Variants in AFG2A observed in about 807,000 individuals in gnomAD.
AFG2A encodes AAA ATPase AFG2A.
chr4:122,983,414 A>C, the AFG2A span, among the ~76,000 whole-genome samples: 1 of 151,702 alleles, frequency 6.6e-6, no homozygotes, highest in African/African-American at 2.4e-5. Context: ...CATTTGAGAT[A>C]TTTCTTTTTT....
At chr4:123,148,769 ATTT>A in the AFG2A span, among the ~76,000 whole-genome samples, 1 of 136,848 alleles carries the variant, frequency 7.3e-6, no homozygotes, top group Admixed American at 7.4e-5. Context: ...CACACACTCT[ATTT>A]TTTTTTTTTT....
the AFG2A span, among the ~76,000 whole-genome samples, chr4:123,023,960 C>G: frequency 6.6e-6 from 1 of 151,820 alleles, no homozygotes; most frequent in Non-Finnish European, 1.5e-5. Context: ...CCACCGAGAG[C>G]GCATGCCTGA....
chr4:123,171,918 C>T, the AFG2A span, among the ~76,000 whole-genome samples: 1 of 151,858 alleles, frequency 6.6e-6, no homozygotes, highest in Non-Finnish European at 1.5e-5. Flanking sequence ...ATTTGGAAGT[C>T]TCCATTCTTA....
chr4:123,081,571 T>G, the AFG2A span, among the ~76,000 whole-genome samples: 1 of 152,122 alleles, frequency 6.6e-6, no homozygotes, highest in Non-Finnish European at 1.5e-5. Context: ...TTATGAAGAC[T>G]GTGAATAAAG....
chr4:123,217,451 T>TA, the AFG2A span, among the ~76,000 whole-genome samples: 2 of 152,170 alleles, frequency 1.3e-5, no homozygotes, highest in African/African-American at 4.8e-5. Flanking sequence ...GTCATTAACT[T>TA]AATGAGTTTC....
the AFG2A span, among the ~76,000 whole-genome samples, chr4:123,234,841 A>G: frequency 5.3e-5 from 8 of 152,176 alleles, no homozygotes; most frequent in South Asian, 1.5e-3. Context: ...CTTACCAGCT[A>G]TGTAACTTTA....
At chr4:122,931,919 C>T in the AFG2A span, among the ~76,000 whole-genome samples, 6 of 152,098 alleles carry the variant, frequency 3.9e-5, no homozygotes, top group South Asian at 1.2e-3. Flanking sequence ...GGTAAATTTG[C>T]AAATACAGCA....
At chr4:122,962,058 C>T in the AFG2A span, among the ~76,000 whole-genome samples, 1 of 152,202 alleles carries the variant, frequency 6.6e-6, no homozygotes, top group African/African-American at 2.4e-5. Context: ...GCATTAGATT[C>T]TCATAAGGAG....
chr4:123,271,827 C>G, the AFG2A span, among the ~76,000 whole-genome samples: 1 of 150,960 alleles, frequency 6.6e-6, no homozygotes, highest in African/African-American at 2.4e-5. Flanking sequence ...TACCCTGGTC[C>G]TACAGTTAAA....
chr4:123,161,471 G>C, the AFG2A span, among the ~76,000 whole-genome samples: 1 of 152,090 alleles, frequency 6.6e-6, no homozygotes, highest in African/African-American at 2.4e-5. Flanking sequence ...GTGGAGGAGA[G>C]GAATAGGTAG....
At chr4:123,032,234 A>C in the AFG2A span, among the ~76,000 whole-genome samples, 1 of 152,318 alleles carries the variant, frequency 6.6e-6, no homozygotes, top group African/African-American at 2.4e-5. Context: ...AATTGTATAA[A>C]ATAGATTTCA....
the AFG2A span, among the ~76,000 whole-genome samples, chr4:123,273,102 T>A: frequency 6.6e-6 from 1 of 152,134 alleles, no homozygotes; most frequent in Admixed American, 6.6e-5. Context: ...TATAGACAAT[T>A]TCTTAGGTAG....
chr4:123,087,983 G>T, the AFG2A span, among the ~76,000 whole-genome samples: 1 of 152,152 alleles, frequency 6.6e-6, no homozygotes, highest in African/African-American at 2.4e-5. Flanking sequence ...CAGCCATGGT[G>T]TTTCTCAAAA....
the AFG2A span, among the ~76,000 whole-genome samples, chr4:123,050,310 T>A: frequency 6.6e-6 from 1 of 152,202 alleles, no homozygotes; most frequent in Non-Finnish European, 1.5e-5. Context: ...CGTAAATGTC[T>A]GTTAGGTCCA....
the AFG2A span, among the ~76,000 whole-genome samples, chr4:122,946,537 A>T: frequency 6.6e-6 from 1 of 152,144 alleles, no homozygotes. Context: ...TTTTTAACAT[A>T]AATTGCATTC....
the AFG2A span, among the ~76,000 whole-genome samples, chr4:123,219,902 T>C: frequency 2.6e-5 from 4 of 151,796 alleles, no homozygotes; most frequent in Non-Finnish European, 4.4e-5. Context: ...AGAGTTTCGC[T>C]CTTGTTGCCC....
chr4:123,130,382 AATTT>A, the AFG2A span, among the ~76,000 whole-genome samples: 1 of 152,134 alleles, frequency 6.6e-6, no homozygotes, highest in African/African-American at 2.4e-5. Context: ...AATGCAAAAC[AATTT>A]ATTTACTCCA....
the AFG2A span, among the ~76,000 whole-genome samples, chr4:123,112,954 A>T: frequency 6.6e-6 from 1 of 152,146 alleles, no homozygotes; most frequent in Non-Finnish European, 1.5e-5. Flanking sequence ...TTAGTAGTTA[A>T]ATCTGGTTTA....
chr4:122,939,084 T>A, the AFG2A span, among the ~76,000 whole-genome samples: 1 of 122,828 alleles, frequency 8.1e-6, no homozygotes, highest in Non-Finnish European at 1.6e-5. Flanking sequence ...TCTTTTTTTT[T>A]TTTTTTTTTT....
Sources: allele counts gnomAD v4.1 joint callset (sites outside exome capture counted in the v4.1 genomes callset), GRCh38; gene constraint gnomAD v4.1.1; transcripts MANE v1.5; gene names NCBI Gene and HGNC (gene_info 2026-07-23, HGNC 2026-07-21).